AVL9: variants seen among roughly 807,000 people sequenced by gnomAD.
The protein encoded by AVL9 is late secretory pathway protein AVL9 homolog.
In AVL9, 49 loss-of-function variants were observed where a neutral mutation model predicts 79.2. That is an observed-to-expected ratio of 0.62 (90% confidence interval 0.49 to 0.79). The LOEUF (loss-of-function observed/expected upper bound fraction) is 0.79. Ranked by LOEUF, AVL9 falls within the 30% of genes least tolerant of loss-of-function variation. The probability of loss-of-function intolerance (pLI) is 0.00; values close to 1 mark genes in which losing one functional copy is unlikely to be tolerated. For synonymous variants in AVL9, 299 were observed against 280.6 expected, an observed-to-expected ratio of 1.07 and a Z score of -0.65; for missense variants, 682 against 776.8, an observed-to-expected ratio of 0.88 and a Z score of 1.45.
chr7:32,547,663 T>C (rs915999374), intron 3 of AVL9, among the ~76,000 whole-genome samples: 4 of 152,176 alleles, frequency 2.6e-5, no homozygotes, highest in African/African-American at 9.7e-5. Context: ...TCCTTCTCAA[T>C]AGATAATAGG....
At chr7:32,532,713 T>C in intron 1 of AVL9, 1 of 152,236 alleles carries the variant, frequency 6.6e-6, no homozygotes, top group Admixed American at 6.5e-5. Flanking sequence ...AGTACATGCT[T>C]TAAACTAAGA....
chr7:32,542,991 G>T (rs762330898), intron 1 of AVL9, 150 bp from the exon 2 acceptor site: 2 of 929,452 alleles, frequency 2.2e-6, no homozygotes, highest in Non-Finnish European at 3.2e-6. Context: ...CCTCTTCCAT[G>T]CCATAGGTTT....
intron 1 of AVL9, chr7:32,534,023 A>G (rs901429341): frequency 3.3e-5 from 5 of 152,224 alleles, no homozygotes; most frequent in African/African-American, 1.2e-4. Context: ...AGTAAATGGA[A>G]TCTGACTAGA....
intron 6 of AVL9, among the ~76,000 whole-genome samples, chr7:32,553,300 C>G (rs775958182): frequency 6.6e-6 from 1 of 152,162 alleles, no homozygotes; most frequent in Admixed American, 6.5e-5. Flanking sequence ...ATAATATAAG[C>G]TATATCATTT....
chr7:32,497,445 TTTAA>T (rs1249354215), intron 1 of AVL9, among the ~76,000 whole-genome samples: 1 of 152,234 alleles, frequency 6.6e-6, no homozygotes, highest in African/African-American at 2.4e-5. Context: ...TTTCAGAGGC[TTTAA>T]TTAAAGTATG....
intron 1 of AVL9, among the ~76,000 whole-genome samples, chr7:32,508,394 AAG>A (rs2128116087): frequency 6.6e-6 from 1 of 152,286 alleles, no homozygotes; most frequent in East Asian, 1.9e-4. Context: ...TATCCACATT[AAG>A]AGAGCAAAAT....
At chr7:32,525,183 T>C (rs1458509697) in intron 1 of AVL9, among the ~76,000 whole-genome samples, 1 of 152,234 alleles carries the variant, frequency 6.6e-6, no homozygotes, top group Non-Finnish European at 1.5e-5. Flanking sequence ...TTATTTCCAG[T>C]TTAGAACATT....
intron 1 of AVL9, among the ~76,000 whole-genome samples, chr7:32,517,805 T>TTG (rs991185443): frequency 3.4e-5 from 3 of 88,576 alleles, no homozygotes; most frequent in South Asian, 6.1e-4. Flanking sequence ...TGATCTTTGC[T>TTG]TGTGTGTTTT....
intron 1 of AVL9, among the ~76,000 whole-genome samples, chr7:32,524,389 G>A (rs1295488263): frequency 1.3e-5 from 2 of 151,906 alleles, no homozygotes; most frequent in Non-Finnish European, 2.9e-5. Context: ...ATGGCAGGTG[G>A]CTGTAATCCC....
chr7:32,583,897 A>T lies in AVL9; in HGVS notation c.1937A>T (p.Glu646Val), dbSNP rs1354905131. Residue 646 changes from glutamate to valine, a missense_variant, in exon 16 of 16, where the codon GAG becomes GTG. Transcript: ENST00000318709. ...TSQSLTEPPD[E>V]KP The stretch of plus-strand genomic sequence containing the variant: ...CAAAGTCTCACTGAGCCACCAGATG[A>T]GAAGCCTTGAGCAAGGCGTCAGAGG... 1 of 1,613,160 alleles carries T rather than the reference A, an allele frequency of 6.2e-7. No individual in the cohort carries two copies. Among genetic ancestry groups the T allele is most frequent in the East Asian group, 2.2e-5 (1 of 44,872 alleles).
At chr7:32,511,302 G>T (rs1787660887) in intron 1 of AVL9, among the ~76,000 whole-genome samples, 1 of 148,126 alleles carries the variant, frequency 6.8e-6, no homozygotes, top group Non-Finnish European at 1.5e-5. Context: ...TCTCCCCAGG[G>T]TAAGATTTGT....
rs1349805501 is a variant in AVL9 at position 32,587,089 on chromosome 7, C to T, written c.*3182C>T. The T allele has an allele frequency of 6.6e-6, 1 of 152,226 alleles. No individual in the cohort carries two copies. Among genetic ancestry groups the T allele is most frequent in the Non-Finnish European group, 1.5e-5 (1 of 68,044 alleles). 9.4% of individuals were successfully genotyped at this position (152,226 alleles called of 1,614,324 possible). On this transcript the variant is annotated 3_prime_UTR_variant, in exon 16 of 16. Transcript: ENST00000318709. ...CAGCAAACCAGAGCATATGATGTAA[C>T]TTGCTCAACCTTATCTTCCTTTCCA...
Position 32,583,932 on chromosome 7 carries a change from CT to C in AVL9, c.*28del. ...AGCAAGGCGTCAGAGGCTGCTATTG[CT>C]TTCTGAGGTTTAAGTGTCCCCTGTC... On this transcript the variant is annotated 3_prime_UTR_variant, in exon 16 of 16. Coordinates refer to ENST00000318709, the MANE Select transcript of AVL9 (RefSeq NM_015060.3). The C allele has an allele frequency of 6.5e-7, 1 of 1,548,450 alleles. No individual in the cohort carries two copies. Among genetic ancestry groups the C allele is most frequent in the African/African-American group, 1.4e-5 (1 of 73,474 alleles).
At chr7:32,528,202 C>T (rs763060559) in intron 1 of AVL9, among the ~76,000 whole-genome samples, 20 of 152,158 alleles carry the variant, frequency 1.3e-4, no homozygotes, top group Non-Finnish European at 2.6e-4. Context: ...ACCCCACCCA[C>T]GCCTTCGAGT....
At chr7:32,581,019 T>G in intron 15 of AVL9, 129 bp downstream of exon 15, 2 of 778,636 alleles carry the variant, frequency 2.6e-6, no homozygotes, top group Non-Finnish European at 4.1e-6. Context: ...TACAAGAGTT[T>G]TTTAAATTTT....
intron 10 of AVL9, among the ~76,000 whole-genome samples, chr7:32,563,777 A>G (rs1404080900): frequency 6.6e-6 from 1 of 152,144 alleles, no homozygotes; most frequent in Non-Finnish European, 1.5e-5. Context: ...CAGCTTTGCA[A>G]AAATGTACTT....
chr7:32,510,724 A>G (rs1288504650), intron 1 of AVL9, among the ~76,000 whole-genome samples: 23 of 112,442 alleles, frequency 2.0e-4, no homozygotes, highest in Admixed American at 2.5e-4. Flanking sequence ...GAACTGCCCC[A>G]GTATGAGGGA....
chr7:32,559,517 C>T (rs990899283), intron 10 of AVL9, 53 bp downstream of exon 10: 10 of 1,492,414 alleles, frequency 6.7e-6, no homozygotes, highest in African/African-American at 4.2e-5. Flanking sequence ...AAAATCCTTT[C>T]GGAGTTTAAC....
intron 4 of AVL9, among the ~76,000 whole-genome samples, chr7:32,549,935 G>GAAAAAAAAA (rs1298659665): frequency 2.7e-5 from 4 of 147,016 alleles, no homozygotes; most frequent in Non-Finnish European, 3.0e-5. Flanking sequence ...AAAAAAGAAA[G>GAAAAAAAAA]AAAGAAAAAA....
Sources: gnomAD v4.1 joint callset for allele counts (sites outside exome capture counted in the v4.1 genomes callset) on GRCh38, gnomAD v4.1.1 for gene constraint, MANE v1.5 for transcripts, NCBI Gene and HGNC (gene_info 2026-07-23, HGNC 2026-07-21) for gene names.